Variants in STRBP observed in about 807,000 individuals in gnomAD.
The protein encoded by STRBP is spermatid perinuclear RNA-binding protein.
A neutral mutation model predicts 80.1 loss-of-function variants in STRBP; 13 were observed. The observed-to-expected ratio is 0.16, with a 90% CI of 0.11 to 0.26. The LOEUF (loss-of-function observed/expected upper bound fraction) is 0.26, where lower values mean the gene tolerates loss of function less well. Ranked by LOEUF, STRBP falls within the 10% of genes least tolerant of loss-of-function variation. The pLI, the probability that STRBP is intolerant of heterozygous loss-of-function variation, is 1.00. For missense variants in STRBP, 485 were observed against 815.2 expected, an observed-to-expected ratio of 0.59 and a Z score of 4.93; for synonymous variants, 284 against 291.2, an observed-to-expected ratio of 0.98 and a Z score of 0.25.
chr9:123,190,294 A>G (rs990755707), intron 2 of STRBP, among the ~76,000 whole-genome samples: 3 of 152,024 alleles, frequency 2.0e-5, no homozygotes, highest in Non-Finnish European at 2.9e-5. Context: ...AGAAAAAAAA[A>G]AAAAAAGAAC....
intron 5 of STRBP, among the ~76,000 whole-genome samples, chr9:123,172,763 T>C (rs2038062934): frequency 6.6e-6 from 1 of 151,594 alleles, no homozygotes; most frequent in South Asian, 2.1e-4. Flanking sequence ...GTAACAAAGC[T>C]AAGAAAAACA....
At chr9:123,116,743 C>A (rs757812860), downstream of STRBP, among the ~76,000 whole-genome samples, 1 of 152,168 alleles carries the variant, frequency 6.6e-6, no homozygotes, top group Non-Finnish European at 1.5e-5. Flanking sequence ...TGCCTACTAG[C>A]GACGCAAACC....
chr9:123,115,635 A>G lies in STRBP; in HGVS notation c.*84+294T>C. The G allele has an allele frequency of 3.0e-6, 1 of 338,780 alleles. No homozygotes were observed. The highest frequency in any genetic ancestry group is 5.8e-6 in the Non-Finnish European group (1 of 171,858). 21.0% of individuals were successfully genotyped at this position (338,780 alleles called of 1,614,324 possible). ...AGGTGACAGTGAATGGTTTTTCTCAATAAATCTACGTGCCCAAGAAGGGAG... is the reference window on the plus strand; with the variant it reads ...AGGTGACAGTGAATGGTTTTTCTCAGTAAATCTACGTGCCCAAGAAGGGAG... On this transcript the variant is annotated intron_variant and NMD_transcript_variant, in intron 3 of 3. Coordinates refer to the STRBP transcript ENST00000471564. The surrounding 1 kb of genome is among the most constrained non-coding windows in gnomAD (Gnocchi z 5.0).
chr9:123,179,240 G>A lies in STRBP; in HGVS notation c.4-13C>T, dbSNP rs773715524. 1.3e-6 allele frequency: 2 copies of A among 1,589,152 alleles called. No individual in the cohort carries two copies. Among genetic ancestry groups the A allele is most frequent in the Non-Finnish European group, 1.7e-6 (2 of 1,160,884 alleles). On this transcript the variant is annotated splice_polypyrimidine_tract_variant and intron_variant, in intron 3 of 18. Transcript: ENST00000348403. Reference sequence around the variant, plus strand: ...ATCGAATAGATCTCTGTTAGAAGGAGAACGAAAACAATTACTTCAACAAAA... The same window carrying A: ...ATCGAATAGATCTCTGTTAGAAGGAAAACGAAAACAATTACTTCAACAAAA...
rs770517840 is a variant in STRBP, at chr9:123,179,234, G to C, written c.4-7C>G. On this transcript the variant is annotated splice_polypyrimidine_tract_variant and splice_region_variant and intron_variant, in intron 3 of 18. Transcript: ENST00000348403. ...CAAAAGATCGAATAGATCTCTGTTA[G>C]AAGGAGAACGAAAACAATTACTTCA... 2 of 1,594,626 alleles carry C rather than the reference G, an allele frequency of 1.3e-6. No individual in the cohort carries two copies. The highest frequency in any genetic ancestry group is 2.3e-5 in the East Asian group (1 of 44,338).
chr9:123,164,627 A>G (rs1328704092), intron 6 of STRBP, among the ~76,000 whole-genome samples: 1 of 152,206 alleles, frequency 6.6e-6, no homozygotes, highest in Non-Finnish European at 1.5e-5. Flanking sequence ...TGCATTAAAC[A>G]GGAGTTATAT....
intron 14 of STRBP, among the ~76,000 whole-genome samples, chr9:123,137,620 G>C (rs1306710441): frequency 6.6e-6 from 1 of 151,976 alleles, no homozygotes; most frequent in African/African-American, 2.4e-5. Flanking sequence ...GTTGGCCAGG[G>C]TGCACTCAAA....
At chr9:123,218,425 A>T (rs1053137350) in intron 2 of STRBP, among the ~76,000 whole-genome samples, 275 of 133,052 alleles carry the variant, frequency 2.1e-3, no homozygotes, top group African/African-American at 7.2e-3. Flanking sequence ...TGCGGACTGC[A>T]GTGGCGCAAT....
intron 2 of STRBP, among the ~76,000 whole-genome samples, chr9:123,235,009 T>TA (rs1195094767): frequency 1.5e-3 from 131 of 90,062 alleles, no homozygotes; most frequent in African/African-American, 5.2e-3. Flanking sequence ...GGGGGGGGGG[T>TA]ACTGGGTATT....
rs559350551 is a variant in STRBP at position 123,264,243 on chromosome 9, T to A, written c.-302+4193A>T. ...GGCCTCTGTCTCTGGAAATTCCTGCTTAGAAACAATCTTGGGCTATAGCTA... is the reference window on the plus strand; with the variant it reads ...GGCCTCTGTCTCTGGAAATTCCTGCATAGAAACAATCTTGGGCTATAGCTA... On this transcript the variant is annotated intron_variant, in intron 1 of 18. Coordinates refer to ENST00000348403, the MANE Select transcript of STRBP (RefSeq NM_018387.5). 2.0e-5 allele frequency among the ~76,000 whole-genome samples: 3 copies of A among 152,336 alleles called. No individual in the cohort carries two copies. In the South Asian group the frequency reaches 6.2e-4, roughly 32 times the overall value.
At chr9:123,256,267 C>T (rs1303848738) in intron 1 of STRBP, among the ~76,000 whole-genome samples, 6 of 152,024 alleles carry the variant, frequency 3.9e-5, no homozygotes, top group Non-Finnish European at 1.5e-5. Flanking sequence ...GATCCTCCGC[C>T]TTGGTGTCCC....
rs867487373 is a variant in STRBP, at chr9:123,110,712, T to C, written c.*85-959A>G. 2.4e-5 allele frequency: 4 copies of C among 169,338 alleles called. No individual in the cohort carries two copies. In the Middle Eastern group the frequency reaches 1.6e-3, roughly 66 times the overall value. The allele number at this position is 169,338 out of a possible 1,614,324, so 10.5% of individuals were successfully genotyped here. On this transcript the variant is annotated intron_variant and NMD_transcript_variant, in intron 3 of 3. Coordinates refer to the STRBP transcript ENST00000471564. This position sits in a 1 kb window ranked among gnomAD's most constrained non-coding sequence, Gnocchi z 4.1. ...AGACAGCTCCTCAGAGAGCCAGAGC[T>C]ACCCTTGGTTCCTGGGAGATGGAGA...
At chr9:123,140,320 C>G (rs974084661) in intron 13 of STRBP, among the ~76,000 whole-genome samples, 3 of 152,186 alleles carry the variant, frequency 2.0e-5, no homozygotes, top group Non-Finnish European at 4.4e-5. Flanking sequence ...CTCGGCCAGA[C>G]GCGGTGGCTC....
chr9:123,179,200 C>T lies in STRBP; in HGVS notation c.31G>A (p.Asp11Asn), dbSNP rs768558250. The T allele has an allele frequency of 1.8e-5, 29 of 1,609,102 alleles. No individual in the cohort carries two copies. The Admixed American group carries it at 3.7e-4, about 20-fold the overall frequency. MRSIRSFAND[D>N]RHVMVKHSTI... ...GAATGTTTCACCATAACATGGCGAT[C>T]ATCATTAGCAAAAGATCGAATAGAT... Residue 11 changes from aspartate (D) to asparagine (N), a missense_variant, in exon 4 of 19, where the codon GAT (aspartate) becomes AAT (asparagine). Asp to Asn is a conservative substitution (Grantham distance 23). Transcript: ENST00000348403.
intron 2 of STRBP, among the ~76,000 whole-genome samples, chr9:123,195,642 A>G (rs921227131): frequency 1.3e-5 from 2 of 152,206 alleles, no homozygotes; most frequent in African/African-American, 2.4e-5. Context: ...GTAGCCAAAG[A>G]AGTGAAAGAT....
At position 123,115,784 on chromosome 9, in the gene STRBP, A is replaced by G. The variant is rs2035635007; in HGVS notation, c.*84+145T>C. The G allele has an allele frequency of 2.9e-6, 1 of 343,862 alleles. No homozygotes were observed. The highest frequency in any genetic ancestry group is 2.3e-5 in the South Asian group (1 of 43,474). The allele number at this position is 343,862 out of a possible 1,614,324, so 21.3% of individuals were successfully genotyped here. ...TGAACATGCTGGTTACAGGGAGCTC[A>G]TGTCGCACCTCAGCTGCTCTCTCAA... On this transcript the variant is annotated intron_variant and NMD_transcript_variant, in intron 3 of 3. Transcript: ENST00000471564. This position sits in a 1 kb window ranked among gnomAD's most constrained non-coding sequence, Gnocchi z 5.0.
At chr9:123,209,562 A>G (rs898366089) in intron 2 of STRBP, among the ~76,000 whole-genome samples, 3 of 152,192 alleles carry the variant, frequency 2.0e-5, no homozygotes, top group African/African-American at 7.2e-5. Flanking sequence ...CACCATGTAC[A>G]CTTTCCCAAC....
At chr9:123,220,094 T>G (rs756238467) in intron 2 of STRBP, among the ~76,000 whole-genome samples, 3 of 152,132 alleles carry the variant, frequency 2.0e-5, no homozygotes, top group African/African-American at 7.2e-5. Context: ...GATAAAAAAT[T>G]AGAGATTCAG....
At chr9:123,266,011 T>C (rs1289150462) in intron 1 of STRBP, among the ~76,000 whole-genome samples, 1 of 152,180 alleles carries the variant, frequency 6.6e-6, no homozygotes, top group South Asian at 2.1e-4. Flanking sequence ...ACTGACCCAT[T>C]ACCCAGAAAG....
Sources: gnomAD v4.1 joint callset for allele counts (sites outside exome capture counted in the v4.1 genomes callset) on GRCh38, gnomAD v4.1.1 for gene constraint, Gnocchi (gnomAD v3.1) non-coding constraint, MANE v1.5 for transcripts, NCBI Gene and HGNC (gene_info 2026-07-23, HGNC 2026-07-21) for gene names.